Variants in DNAJC6 observed in about 807,000 individuals in gnomAD.
DNAJC6 encodes auxilin.
A neutral mutation model predicts 110.0 loss-of-function variants in DNAJC6; 34 were observed. That is an observed-to-expected ratio of 0.31 (90% CI 0.24 to 0.41). The LOEUF (loss-of-function observed/expected upper bound fraction) is 0.41, where lower values mean the gene tolerates loss of function less well. DNAJC6 is among the 10% of genes least tolerant of loss of function. The pLI, the probability that DNAJC6 is intolerant of heterozygous loss-of-function variation, is 1.00. For missense variants in DNAJC6, 1,031 were observed against 1,207.8 expected (o/e 0.85, Z 2.17); for synonymous variants, 406 against 437.2 (o/e 0.93, Z 0.89).
At chr1:65,287,009 T>C (rs962979787) in intron 1 of DNAJC6, among the ~76,000 whole-genome samples, 1 of 152,216 alleles carries the variant, frequency 6.6e-6, no homozygotes, top group African/African-American at 2.4e-5. Flanking sequence ...AACTCTCACA[T>C]TGTAAAGTTA....
rs1174171612 is a variant in DNAJC6 at position 65,413,659 on chromosome 1, C to T, written c.*634C>T. 2 of 152,016 alleles carry T rather than the reference C, an allele frequency of 1.3e-5. No individual in the cohort carries two copies. Among genetic ancestry groups the T allele is most frequent in the Non-Finnish European group, 2.9e-5 (2 of 68,010 alleles). 9.4% of individuals were successfully genotyped at this position (152,016 alleles called of 1,614,324 possible). A position where few individuals can be genotyped will look rare whatever the true frequency, so the allele number is the denominator to read the frequency against. The stretch of plus-strand genomic sequence containing the variant: ...CCAGTGATTACCACCAACTTTCTGA[C>T]TAAGCTAAAAATGAATGAAAATGGT... On this transcript the variant is annotated 3_prime_UTR_variant, in exon 19 of 19. Transcript: ENST00000371069.
chr1:65,338,717 C>G (rs1339872005), intron 1 of DNAJC6, among the ~76,000 whole-genome samples: 1 of 152,160 alleles, frequency 6.6e-6, no homozygotes, highest in Non-Finnish European at 1.5e-5. Context: ...TATCCACTCT[C>G]TCTTGGATAA....
At chr1:65,279,015 C>T in intron 1 of DNAJC6, 1 of 985,386 alleles carries the variant, frequency 1.0e-6, no homozygotes, top group Non-Finnish European at 1.2e-6. Flanking sequence ...ACTTTTATTT[C>T]CTGCAAACCT....
intron 1 of DNAJC6, among the ~76,000 whole-genome samples, chr1:65,341,421 T>G (rs1645388359): frequency 6.6e-6 from 1 of 152,178 alleles, no homozygotes; most frequent in South Asian, 2.1e-4. Context: ...CTTTGAAATT[T>G]CAGCACCTGT....
At chr1:65,282,945 G>T (rs981913865) in intron 1 of DNAJC6, among the ~76,000 whole-genome samples, 1 of 152,124 alleles carries the variant, frequency 6.6e-6, no homozygotes, top group African/African-American at 2.4e-5. Flanking sequence ...AGATTACTTG[G>T]TTTTTTGCCT....
intron 4 of DNAJC6, among the ~76,000 whole-genome samples, chr1:65,377,001 G>A (rs981016584): frequency 2.0e-5 from 3 of 152,128 alleles, no homozygotes; most frequent in African/African-American, 7.2e-5. Flanking sequence ...CTGACCTCGT[G>A]ATCTGCCTGC....
rs1207423935 is a variant in DNAJC6, at chr1:65,385,919, A to G, written c.995+13A>G. On this transcript the variant is annotated intron_variant, in intron 7 of 18. Coordinates refer to ENST00000371069, the MANE Select transcript of DNAJC6 (RefSeq NM_001256864.2). ...TTGAACGAATGAAGTAAGTCATGAT[A>G]CTTTACTTCTTCCTATGTACTTCTC... 1.3e-6 allele frequency: 2 copies of G among 1,584,092 alleles called. No homozygotes were observed. Among genetic ancestry groups the G allele is most frequent in the Non-Finnish European group, 1.7e-6 (2 of 1,158,340 alleles).
chr1:65,278,952 C>T, intron 1 of DNAJC6: 2 of 985,192 alleles, frequency 2.0e-6, no homozygotes. Flanking sequence ...ACTTCACTCC[C>T]TACTCTTTCT....
At chr1:65,308,949 G>A (rs1389465257), upstream of DNAJC6, among the ~76,000 whole-genome samples, 1 of 152,136 alleles carries the variant, frequency 6.6e-6, no homozygotes, top group Non-Finnish European at 1.5e-5. Context: ...TCCCTATTCT[G>A]GAGAATGTGC....
At chr1:65,305,531 T>C (rs1199071481), upstream of DNAJC6, among the ~76,000 whole-genome samples, 1 of 152,228 alleles carries the variant, frequency 6.6e-6, no homozygotes, top group Non-Finnish European at 1.5e-5. Context: ...TTTAAATCAC[T>C]GGACTAGGTA....
chr1:65,333,148 G>GT (rs781432161), intron 1 of DNAJC6, among the ~76,000 whole-genome samples: 1 of 151,838 alleles, frequency 6.6e-6, no homozygotes, highest in South Asian at 2.1e-4. Flanking sequence ...ACCAAGAAAT[G>GT]TTTTTTTAAA....
intron 1 of DNAJC6, among the ~76,000 whole-genome samples, chr1:65,358,536 A>G (rs1182888557): frequency 6.6e-6 from 1 of 152,232 alleles, no homozygotes; most frequent in African/African-American, 2.4e-5. Context: ...AGTATGTGGT[A>G]GGCATTCAGT....
At chr1:65,336,764 A>G (rs1645341022) in intron 1 of DNAJC6, among the ~76,000 whole-genome samples, 1 of 152,204 alleles carries the variant, frequency 6.6e-6, no homozygotes, top group Non-Finnish European at 1.5e-5. Flanking sequence ...CAATCAGTCA[A>G]TAAAGGGCTC....
intron 1 of DNAJC6, among the ~76,000 whole-genome samples, chr1:65,361,851 G>A (rs1645600364): frequency 6.6e-6 from 1 of 152,108 alleles, no homozygotes; most frequent in Non-Finnish European, 1.5e-5. Context: ...TCACTGTGTT[G>A]CTTATTATAA....
chr1:65,402,330 C>T (rs915603802), intron 15 of DNAJC6, among the ~76,000 whole-genome samples: 7 of 152,300 alleles, frequency 4.6e-5, no homozygotes, highest in South Asian at 2.1e-4. Flanking sequence ...TGGTGCTCTC[C>T]GGTCAATTTG....
At chr1:65,377,043 G>A (rs913261845) in intron 4 of DNAJC6, among the ~76,000 whole-genome samples, 13 of 152,270 alleles carry the variant, frequency 8.5e-5, no homozygotes, top group African/African-American at 3.1e-4. Context: ...GATTACAGGC[G>A]TGAGCCACCA....
At chr1:65,312,500 GC>G (rs1645110542) in intron 1 of DNAJC6, among the ~76,000 whole-genome samples, 1 of 152,162 alleles carries the variant, frequency 6.6e-6, no homozygotes, top group African/African-American at 2.4e-5. Flanking sequence ...GCAGTAATCT[GC>G]CCATTTATTC....
intron 1 of DNAJC6, among the ~76,000 whole-genome samples, chr1:65,296,211 G>A (rs1346548969): frequency 1.3e-5 from 2 of 152,184 alleles, no homozygotes; most frequent in African/African-American, 4.8e-5. Flanking sequence ...ATGATGATCT[G>A]TAAGTCTTTC....
intron 1 of DNAJC6, among the ~76,000 whole-genome samples, chr1:65,275,704 C>G (rs1461615019): frequency 6.6e-6 from 1 of 152,016 alleles, no homozygotes; most frequent in Non-Finnish European, 1.5e-5. Flanking sequence ...TATGTTAGAA[C>G]TTTTTACCCT....
Sources: gnomAD v4.1 joint callset for allele counts (sites outside exome capture counted in the v4.1 genomes callset) on GRCh38, gnomAD v4.1.1 for gene constraint, MANE v1.5 for transcripts, NCBI Gene and HGNC (gene_info 2026-07-23, HGNC 2026-07-21) for gene names.